Variants in KCNIP4 observed in about 807,000 individuals in gnomAD.
The protein encoded by KCNIP4 is potassium voltage-gated channel interacting protein 4.
A neutral mutation model predicts 34.0 loss-of-function variants in KCNIP4; 12 were observed. The observed-to-expected ratio is 0.35, with a 90% CI of 0.23 to 0.57. The LOEUF is 0.57. Among genes scored for constraint, KCNIP4 ranks in the 20% least tolerant of loss-of-function variants. The pLI, the probability that KCNIP4 is intolerant of heterozygous loss-of-function variation, is 0.83. For missense variants in KCNIP4, 238 were observed against 311.7 expected (o/e 0.76, Z 1.78); for synonymous variants, 124 against 102.2 (o/e 1.21, Z -1.29).
At chr4:21,151,938 T>G (rs1266850944) in intron 1 of KCNIP4, among the ~76,000 whole-genome samples, 1 of 152,160 alleles carries the variant, frequency 6.6e-6, no homozygotes, top group Non-Finnish European at 1.5e-5. Flanking sequence ...CTGTAAATAC[T>G]TCTATATTGA....
At chr4:21,945,691 T>C (rs1221206792) in intron 1 of KCNIP4, among the ~76,000 whole-genome samples, 1 of 152,128 alleles carries the variant, frequency 6.6e-6, no homozygotes, top group Non-Finnish European at 1.5e-5. Context: ...TTGTAGTTTT[T>C]TTTTTCCTCT....
At chr4:21,787,840 G>A (rs1577989155) in intron 1 of KCNIP4, among the ~76,000 whole-genome samples, 1 of 152,018 alleles carries the variant, frequency 6.6e-6, no homozygotes, top group East Asian at 1.9e-4. Flanking sequence ...TTGATTCTCT[G>A]CTACACACTG....
chr4:21,633,808 C>T (rs972334279), intron 1 of KCNIP4, among the ~76,000 whole-genome samples: 5 of 151,844 alleles, frequency 3.3e-5, no homozygotes, highest in South Asian at 2.1e-4. Flanking sequence ...AAAGTTAGTA[C>T]ATGTTAACAT....
chr4:21,863,152 A>T (rs113837127), intron 1 of KCNIP4, among the ~76,000 whole-genome samples: 7 of 152,104 alleles, frequency 4.6e-5, no homozygotes, highest in African/African-American at 1.7e-4. Flanking sequence ...TATTCTATGA[A>T]GTCGTTATTC....
At chr4:20,743,518 G>C (rs1751678503) in intron 5 of KCNIP4, among the ~76,000 whole-genome samples, 1 of 152,182 alleles carries the variant, frequency 6.6e-6, no homozygotes, top group Admixed American at 6.5e-5. Flanking sequence ...AAGCAATGGG[G>C]AAAGGATTCC....
chr4:21,279,500 T>TAC (rs1178089348), intron 1 of KCNIP4, among the ~76,000 whole-genome samples: 8 of 149,400 alleles, frequency 5.4e-5, no homozygotes, highest in East Asian at 1.9e-4. Flanking sequence ...TATATATATA[T>TAC]ACATACATAC....
At chr4:21,396,329 G>A (rs1722994715) in intron 1 of KCNIP4, among the ~76,000 whole-genome samples, 1 of 151,886 alleles carries the variant, frequency 6.6e-6, no homozygotes, top group Non-Finnish European at 1.5e-5. Context: ...ACCAAGGTGG[G>A]TGGATCACCT....
intron 1 of KCNIP4, among the ~76,000 whole-genome samples, chr4:21,364,087 C>T (rs546082872): frequency 6.6e-6 from 1 of 152,198 alleles, no homozygotes; most frequent in South Asian, 2.1e-4. Context: ...CCTTGATGAT[C>T]CCTCTTTTAC....
intron 1 of KCNIP4, among the ~76,000 whole-genome samples, chr4:21,398,772 C>A (rs1052086631): frequency 3.3e-5 from 5 of 152,202 alleles, no homozygotes; most frequent in African/African-American, 1.2e-4. Flanking sequence ...TTCTTTCTTT[C>A]TCACTTTTTC....
chr4:21,716,089 C>A (rs1359256875), intron 1 of KCNIP4, among the ~76,000 whole-genome samples: 1 of 152,142 alleles, frequency 6.6e-6, no homozygotes, highest in Non-Finnish European at 1.5e-5. Context: ...TTATCCTAAT[C>A]TGAAGTTTAT....
chr4:21,371,407 G>A lies in KCNIP4; in HGVS notation c.62-488698C>T, dbSNP rs146545664. ...ATGTGTGCTGGCAGACACCTCTGGG[G>A]GAAAGAAAGGAAAATATGAGTTATA... On this transcript the variant is annotated intron_variant, in intron 1 of 8. Coordinates refer to ENST00000382152, the MANE Select transcript of KCNIP4 (RefSeq NM_025221.6). 2.8e-3 allele frequency among the ~76,000 whole-genome samples: 407 copies of A among 146,244 alleles called. 61 individuals are homozygous for A. Among genetic ancestry groups the A allele is most frequent in the African/African-American group, 0.011 (389 of 36,110 alleles).
At chr4:21,825,473 G>T (rs2109297527) in intron 1 of KCNIP4, among the ~76,000 whole-genome samples, 1 of 152,208 alleles carries the variant, frequency 6.6e-6, no homozygotes, top group Middle Eastern at 3.4e-3. Flanking sequence ...CATAATGCTT[G>T]TGTAAGATAT....
chr4:21,706,622 G>T (rs773809321), intron 1 of KCNIP4, among the ~76,000 whole-genome samples: 2 of 152,140 alleles, frequency 1.3e-5, no homozygotes, highest in African/African-American at 4.8e-5. Flanking sequence ...AAATAAATGT[G>T]ACTGATTGAT....
intron 1 of KCNIP4, among the ~76,000 whole-genome samples, chr4:21,768,834 T>C (rs1233610941): frequency 6.6e-6 from 1 of 152,182 alleles, no homozygotes; most frequent in Admixed American, 6.6e-5. Flanking sequence ...AATTGGGTTA[T>C]ATGATGTTTA....
chr4:21,892,370 G>A (rs927825631), intron 1 of KCNIP4, among the ~76,000 whole-genome samples: 3 of 151,726 alleles, frequency 2.0e-5, no homozygotes, highest in African/African-American at 4.8e-5. Flanking sequence ...TTGGGATTGC[G>A]ATTACCCTCA....
At chr4:21,907,138 T>C (rs895947829) in intron 1 of KCNIP4, among the ~76,000 whole-genome samples, 17 of 152,214 alleles carry the variant, frequency 1.1e-4, no homozygotes, top group African/African-American at 4.1e-4. Context: ...GTGGCAATGT[T>C]GGCTGGTGGG....
chr4:21,129,873 G>A (rs1306311823), intron 1 of KCNIP4, among the ~76,000 whole-genome samples: 1 of 140,064 alleles, frequency 7.1e-6, no homozygotes, highest in Non-Finnish European at 1.5e-5. Flanking sequence ...TGTAACCAGT[G>A]TTGAAGCAGA....
At chr4:21,358,377 T>G (rs539656329) in intron 1 of KCNIP4, among the ~76,000 whole-genome samples, 38 of 152,230 alleles carry the variant, frequency 2.5e-4, no homozygotes, top group African/African-American at 9.1e-4. Context: ...TCTCTGACAC[T>G]TGTTAAGCAC....
intron 3 of KCNIP4, among the ~76,000 whole-genome samples, chr4:20,801,801 G>T (rs1272288338): frequency 1.3e-5 from 2 of 151,936 alleles, no homozygotes; most frequent in Non-Finnish European, 2.9e-5. Context: ...AACTGGAAAA[G>T]AAATAATAAA....
Sources: allele counts gnomAD v4.1 joint callset (sites outside exome capture counted in the v4.1 genomes callset), GRCh38; gene constraint gnomAD v4.1.1; transcripts MANE v1.5; gene names NCBI Gene and HGNC (gene_info 2026-07-23, HGNC 2026-07-21).